Variants in SLC16A12 observed in about 807,000 individuals in gnomAD.
The protein encoded by SLC16A12 is solute carrier family 16 member 12.
In SLC16A12, 17 loss-of-function variants were observed where a neutral mutation model predicts 42.4. The observed-to-expected ratio is 0.40, with a 90% confidence interval of 0.27 to 0.60. The LOEUF (loss-of-function observed/expected upper bound fraction) is 0.60. Ranked by LOEUF, SLC16A12 falls within the 20% of genes least tolerant of loss-of-function variation. The pLI is 0.42. For synonymous variants in SLC16A12, 224 were observed against 229.4 expected (o/e 0.98, Z 0.21); for missense variants, 544 against 623.0 (o/e 0.87, Z 1.35).
chr10:89,458,022 G>A (rs1428039077), intron 3 of SLC16A12, among the ~76,000 whole-genome samples: 4 of 152,130 alleles, frequency 2.6e-5, no homozygotes, highest in African/African-American at 4.8e-5. Flanking sequence ...CCTGGGTTCT[G>A]CCTGGGCGGT....
intron 3 of SLC16A12, among the ~76,000 whole-genome samples, chr10:89,461,081 A>G (rs1842291637): frequency 6.6e-6 from 1 of 152,208 alleles, no homozygotes; most frequent in Non-Finnish European, 1.5e-5. Flanking sequence ...GAGAGAAATA[A>G]AGATTTCTAT....
At chr10:89,501,880 G>C (rs1453361310) in intron 2 of SLC16A12, among the ~76,000 whole-genome samples, 1 of 152,162 alleles carries the variant, frequency 6.6e-6, no homozygotes, top group Non-Finnish European at 1.5e-5. Context: ...CTCCATGCAG[G>C]AGGGACACTT....
chr10:89,481,672 A>AGC (rs1323017893), intron 2 of SLC16A12, among the ~76,000 whole-genome samples: 1 of 148,820 alleles, frequency 6.7e-6, no homozygotes, highest in East Asian at 2.0e-4. Context: ...TGTGAGAGAG[A>AGC]GAGAGAGTGT....
intron 1 of SLC16A12, chr10:89,556,452 G>C (rs1843816609): frequency 6.6e-6 from 1 of 152,200 alleles, no homozygotes; most frequent in East Asian, 1.9e-4. Context: ...CATAGCCCTT[G>C]TTACAATGTT....
chr10:89,433,439 G>A, intron 7 of SLC16A12, 113 bp from the exon 8 acceptor site: 1 of 1,127,586 alleles, frequency 8.9e-7, no homozygotes. Flanking sequence ...ACCACCAATT[G>A]TAACTTTGAA....
chr10:89,513,116 T>C (rs1843190570), intron 2 of SLC16A12, among the ~76,000 whole-genome samples: 1 of 152,148 alleles, frequency 6.6e-6, no homozygotes, highest in South Asian at 2.1e-4. Context: ...GACACAGAAT[T>C]GTACCCTTAA....
chr10:89,441,069 A>G, intron 5 of SLC16A12, 39 bp downstream of exon 5: 2 of 1,611,486 alleles, frequency 1.2e-6, no homozygotes, highest in Non-Finnish European at 1.7e-6. Flanking sequence ...AAACCCCTGA[A>G]TGGAGTGGGG....
chr10:89,540,381 G>A (rs1458696500), upstream of SLC16A12, among the ~76,000 whole-genome samples: 3 of 152,164 alleles, frequency 2.0e-5, no homozygotes, highest in Admixed American at 6.6e-5. Context: ...CCACAGCCGT[G>A]AGCCACCATG....
chr10:89,450,341 G>C (rs979071441), intron 3 of SLC16A12, among the ~76,000 whole-genome samples: 1 of 152,190 alleles, frequency 6.6e-6, no homozygotes, highest in Non-Finnish European at 1.5e-5. Context: ...TTCACAATAG[G>C]AAAGACTTGG....
At chr10:89,471,224 C>A (rs1842488864) in intron 2 of SLC16A12, among the ~76,000 whole-genome samples, 1 of 152,194 alleles carries the variant, frequency 6.6e-6, no homozygotes, top group South Asian at 2.1e-4. Context: ...ACATTTTTAT[C>A]ATCCCCAGAC....
intron 2 of SLC16A12, among the ~76,000 whole-genome samples, chr10:89,508,027 A>G (rs1388488594): frequency 6.6e-6 from 1 of 152,236 alleles, no homozygotes; most frequent in Non-Finnish European, 1.5e-5. Flanking sequence ...AGAAGAGATA[A>G]CTATCCTAAC....
intron 2 of SLC16A12, among the ~76,000 whole-genome samples, chr10:89,469,101 C>T (rs2133763630): frequency 6.6e-6 from 1 of 152,302 alleles, no homozygotes; most frequent in African/African-American, 2.4e-5. Flanking sequence ...TGCACCCCAG[C>T]CTAAAACTAT....
At chr10:89,543,359 C>T (rs1843726901) in intron 2 of SLC16A12, among the ~76,000 whole-genome samples, 1 of 152,114 alleles carries the variant, frequency 6.6e-6, no homozygotes, top group African/African-American at 2.4e-5. Context: ...CATTAAGAAC[C>T]CAAGTTTATA....
intron 2 of SLC16A12, among the ~76,000 whole-genome samples, chr10:89,466,943 T>C (rs1842410644): frequency 6.6e-6 from 1 of 152,140 alleles, no homozygotes; most frequent in African/African-American, 2.4e-5. Flanking sequence ...GCACCCTCTC[T>C]TTCTCTCAAT....
chr10:89,485,869 G>T (rs1267920116), intron 2 of SLC16A12, among the ~76,000 whole-genome samples: 1 of 152,104 alleles, frequency 6.6e-6, no homozygotes, highest in Non-Finnish European at 1.5e-5. Context: ...ACATACAATT[G>T]TAATAAAGAC....
chr10:89,491,498 A>G (rs888610373), intron 2 of SLC16A12, among the ~76,000 whole-genome samples: 1 of 151,946 alleles, frequency 6.6e-6, no homozygotes, highest in Admixed American at 6.6e-5. Flanking sequence ...ACTGAGCCAG[A>G]CCCTAGAGGA....
upstream of SLC16A12, among the ~76,000 whole-genome samples, chr10:89,537,165 T>G (rs12572394): frequency 1.3e-4 from 19 of 144,982 alleles, no homozygotes; most frequent in Non-Finnish European, 2.1e-4. Flanking sequence ...TTTTTTTTTT[T>G]GGGAAGGAGT....
At chr10:89,550,528 AAAC>A (rs889435854) in intron 2 of SLC16A12, among the ~76,000 whole-genome samples, 3 of 152,190 alleles carry the variant, frequency 2.0e-5, no homozygotes, top group South Asian at 2.1e-4. Flanking sequence ...CAAAACAAAC[AAAC>A]AACAACAACA....
intron 2 of SLC16A12, among the ~76,000 whole-genome samples, chr10:89,510,510 G>A (rs1843146651): frequency 6.6e-6 from 1 of 152,162 alleles, no homozygotes; most frequent in Non-Finnish European, 1.5e-5. Flanking sequence ...AAATGGTGCT[G>A]GGAAAACTGG....
Sources: gnomAD v4.1 joint callset for allele counts (sites outside exome capture counted in the v4.1 genomes callset) on GRCh38, gnomAD v4.1.1 for gene constraint, MANE v1.5 for transcripts, NCBI Gene and HGNC (gene_info 2026-07-23, HGNC 2026-07-21) for gene names.